Variants in SUSD4 observed in about 807,000 individuals in gnomAD.
The protein encoded by SUSD4 is sushi domain containing 4.
In SUSD4, 41 loss-of-function variants were observed where a neutral mutation model predicts 50.5. That is an observed-to-expected ratio of 0.81 (90% confidence interval 0.63 to 1.05). The LOEUF (loss-of-function observed/expected upper bound fraction) is 1.05. Among genes scored for constraint, SUSD4 ranks in the 50% least tolerant of loss-of-function variants. SUSD4 has a pLI of 0.00. For synonymous variants in SUSD4, 257 were observed against 257.3 expected, an observed-to-expected ratio of 1.00 and a Z score of 0.01; for missense variants, 580 against 634.7, an observed-to-expected ratio of 0.91 and a Z score of 0.93.
intron 5 of SUSD4, chr1:223,235,231 C>T: frequency 1.1e-6 from 1 of 925,932 alleles, no homozygotes; most frequent in South Asian, 1.7e-5. Flanking sequence ...AGGTTCACAG[C>T]AATATTGAGC....
At chr1:223,323,059 G>T (rs748587345) in intron 2 of SUSD4, among the ~76,000 whole-genome samples, 13 of 152,116 alleles carry the variant, frequency 8.5e-5, no homozygotes, top group Non-Finnish European at 1.8e-4. Flanking sequence ...TTTAGGTAGA[G>T]ACTGAAAGAA....
intron 3 of SUSD4, among the ~76,000 whole-genome samples, chr1:223,280,973 GCT>G (rs1208430181): frequency 1.1e-4 from 16 of 152,296 alleles, no homozygotes; most frequent in African/African-American, 3.9e-4. Flanking sequence ...TGAACAACCT[GCT>G]CCTGAATGAC....
At chr1:223,234,883 G>A in intron 5 of SUSD4, 1 of 1,501,946 alleles carries the variant, frequency 6.7e-7, no homozygotes, top group East Asian at 2.4e-5. Flanking sequence ...TGCAGATCAT[G>A]GTGAAATACA....
chr1:223,225,553 C>G (rs1035679441), intron 7 of SUSD4, among the ~76,000 whole-genome samples: 2 of 152,148 alleles, frequency 1.3e-5, no homozygotes, highest in African/African-American at 4.8e-5. Context: ...GCTCTCCCTC[C>G]ACAGCCACCA....
chr1:223,221,392 T>G lies in SUSD4; in HGVS notation c.*800A>C. 1 of 287,064 alleles carries G rather than the reference T, an allele frequency of 3.5e-6. No individual in the cohort carries two copies. The highest frequency in any genetic ancestry group is 6.4e-6 in the Non-Finnish European group (1 of 155,920). The allele number at this position is 287,064 out of a possible 1,614,324, so 17.8% of individuals were successfully genotyped here. ...CTTGGTTACTGTCTCCATCATGAGATGTATTTGAACACATTCTGACCATGT... is the reference window on the plus strand; with the variant it reads ...CTTGGTTACTGTCTCCATCATGAGAGGTATTTGAACACATTCTGACCATGT... On this transcript the variant is annotated 3_prime_UTR_variant, in exon 9 of 9. Transcript: ENST00000366878.
At chr1:223,360,172 T>C in intron 2 of SUSD4, 1 of 470,412 alleles carries the variant, frequency 2.1e-6, no homozygotes, top group Non-Finnish European at 4.4e-6. Context: ...ATTGAGTTAT[T>C]TATAATACAG....
In SUSD4 at chr1:223,292,620, G is replaced by C. The variant is rs751927925; in HGVS notation, c.180C>G (p.Pro60=). The C allele has an allele frequency of 6.2e-7, 1 of 1,614,058 alleles. No individual in the cohort carries two copies. The highest frequency in any genetic ancestry group is 1.7e-5 in the Admixed American group (1 of 60,010). The change falls in exon 3 of 9, where the codon CCC becomes CCG. Residue 60 remains proline (P), a synonymous_variant. Transcript: ENST00000366878. The part of the protein sequence containing the change: ...GFDDLQVCAD[P]GIPENGFRTP... ...TCCTGAAGCCATTCTCGGGAATGCC[G>C]GGGTCAGCACACACTTGAAGGTCAT...
Position 223,229,518 on chromosome 1 carries a change from G to A in SUSD4, c.725-130C>T, listed in dbSNP as rs1337369525. 1.2e-6 allele frequency: 1 copy of A among 858,152 alleles called. No individual in the cohort carries two copies. The highest frequency in any genetic ancestry group is 1.7e-6 in the Non-Finnish European group (1 of 584,382). 53.2% of individuals were successfully genotyped at this position (858,152 alleles called of 1,614,324 possible). ...TATGGATTAATCACCAGGCTACTGA[G>A]TTGCATTAGAGATGGTCTCTTTTTT... is the stretch of plus-strand genomic sequence containing the variant. On this transcript the variant is annotated intron_variant, in intron 5 of 8. Transcript: ENST00000366878. This position sits in a 1 kb window ranked among gnomAD's most constrained non-coding sequence, Gnocchi z 4.7.
At chr1:223,364,815 C>CT (rs1669228087), upstream of SUSD4, among the ~76,000 whole-genome samples, 1 of 152,062 alleles carries the variant, frequency 6.6e-6, no homozygotes, top group African/African-American at 2.4e-5. This position sits in a 1 kb window ranked among gnomAD's most constrained non-coding sequence, Gnocchi z 4.5. Context: ...GCCAATTGCC[C>CT]GAGTCTCTTA....
intron 2 of SUSD4, among the ~76,000 whole-genome samples, chr1:223,321,003 T>C (rs1339897633): frequency 6.6e-6 from 1 of 152,204 alleles, no homozygotes; most frequent in Non-Finnish European, 1.5e-5. Flanking sequence ...TGTGGCATGA[T>C]CTTCCGAATT....
At chr1:223,297,240 C>T (rs1224450849) in intron 2 of SUSD4, among the ~76,000 whole-genome samples, 3 of 152,178 alleles carry the variant, frequency 2.0e-5, no homozygotes, top group Non-Finnish European at 2.9e-5. Flanking sequence ...AAGGGTGACA[C>T]AGTATGTGTG....
chr1:223,351,492 TG>T (rs1178463846), intron 2 of SUSD4, among the ~76,000 whole-genome samples: 15 of 152,162 alleles, frequency 9.9e-5, no homozygotes, highest in African/African-American at 3.4e-4. Flanking sequence ...TCTAGTGCTC[TG>T]GGAGTTCTGA....
chr1:223,349,348 CT>C (rs755740627), intron 2 of SUSD4, among the ~76,000 whole-genome samples: 6 of 152,148 alleles, frequency 3.9e-5, no homozygotes, highest in Admixed American at 1.3e-4. Flanking sequence ...CAATATTTAC[CT>C]GACCTAAACC....
intron 2 of SUSD4, among the ~76,000 whole-genome samples, chr1:223,323,441 G>A (rs935263313): frequency 6.6e-6 from 1 of 151,928 alleles, no homozygotes; most frequent in African/African-American, 2.4e-5. Flanking sequence ...AGGGGCCCCA[G>A]AGAGCACTCA....
intron 2 of SUSD4, among the ~76,000 whole-genome samples, chr1:223,344,054 C>A (rs1339750264): frequency 1.3e-5 from 2 of 152,156 alleles, no homozygotes; most frequent in Non-Finnish European, 1.5e-5. Flanking sequence ...CACTAAATAG[C>A]TAGATTCCCA....
intron 3 of SUSD4, among the ~76,000 whole-genome samples, chr1:223,280,590 G>A (rs1162876353): frequency 1.3e-5 from 2 of 151,960 alleles, no homozygotes; most frequent in African/African-American, 4.8e-5. Context: ...CATAAAGCAA[G>A]TCCTTAGAGA....
chr1:223,338,915 T>A (rs1667601876), intron 2 of SUSD4, among the ~76,000 whole-genome samples: 1 of 152,160 alleles, frequency 6.6e-6, no homozygotes, highest in South Asian at 2.1e-4. Flanking sequence ...GGAAAAAATC[T>A]GAGCAGGAGA....
chr1:223,235,167 T>G lies in SUSD4; in HGVS notation c.725-5779A>C, dbSNP rs564499055. 496 of 1,440,962 alleles carry G rather than the reference T, an allele frequency of 3.4e-4. 7 individuals carry two copies. The South Asian group carries it at 6.0e-3, about 17-fold the overall frequency. The allele number at this position is 1,440,962 out of a possible 1,614,324, so 89.3% of individuals were successfully genotyped here. A position where few individuals can be genotyped will look rare whatever the true frequency, so the allele number is the denominator to read the frequency against. On this transcript the variant is annotated intron_variant, in intron 5 of 8. Transcript: ENST00000366878. ...TTTCTCTTGATTGAAAAAAAAAACC[T>G]AAAGCCCTTTTCTTTCTAAAAAAAA...
intron 2 of SUSD4, among the ~76,000 whole-genome samples, chr1:223,297,258 C>A (rs1361421634): frequency 1.3e-5 from 2 of 152,192 alleles, no homozygotes; most frequent in African/African-American, 4.8e-5. Flanking sequence ...GTGGACTGCT[C>A]TTTCAGGATG....
Sources: gnomAD v4.1 joint callset for allele counts (sites outside exome capture counted in the v4.1 genomes callset) on GRCh38, gnomAD v4.1.1 for gene constraint, Gnocchi (gnomAD v3.1) non-coding constraint, MANE v1.5 for transcripts, NCBI Gene and HGNC (gene_info 2026-07-23, HGNC 2026-07-21) for gene names.